Variants in CELA3B observed in about 807,000 individuals in gnomAD.
CELA3B encodes the protein chymotrypsin-like elastase family member 3B.
Under a neutral mutation model 37.2 loss-of-function variants are expected in CELA3B, and 34 were observed. The ratio of observed to expected loss-of-function variants is 0.91; its 90% confidence interval spans 0.70 to 1.22. The LOEUF is 1.22. CELA3B is among the 50% of genes most tolerant of loss of function. The pLI is 0.00. For synonymous variants in CELA3B, 127 were observed against 143.5 expected (o/e 0.89, Z 0.82); for missense variants, 340 against 363.1 (o/e 0.94, Z 0.52).
rs1177763989 is a variant in CELA3B, at chr1:21,978,793, A to T, written c.129+339A>T. The stretch of plus-strand genomic sequence containing the variant: ...ATTCCTAGGATGATACAACAGGGCT[A>T]TGGGGTCTGAAAGCAATAAGGGAGT... On this transcript the variant is annotated intron_variant, in intron 2 of 7. Transcript: ENST00000337107. Among the ~76,000 whole-genome samples, 43 of 152,178 alleles carry T rather than the reference A, an allele frequency of 2.8e-4. No individual in the cohort carries two copies. The East Asian group carries it at 6.2e-3, about 22-fold the overall frequency.
At position 21,983,798 on chromosome 1, in the gene CELA3B, C is replaced by A. The variant is rs1486757785; in HGVS notation, c.467C>A (p.Pro156His). Residue 156 changes from proline (P) to histidine (H), a missense_variant, in exon 5 of 8, where the codon CCC (proline) becomes CAC (histidine). Pro to His is a moderately conservative substitution (Grantham distance 77). Coordinates refer to ENST00000337107, the MANE Select transcript of CELA3B (RefSeq NM_007352.4). ...GGTGACATCCTTCCCAACGAGACAC[C>A]CTGCTACATCACCGGCTGGGGCCGT... ...PAGDILPNET[P>H]CYITGWGRLY... The A allele has an allele frequency of 6.2e-7, 1 of 1,613,974 alleles. No homozygotes were observed. Among genetic ancestry groups the A allele is most frequent in the Admixed American group, 1.7e-5 (1 of 59,970 alleles).
At chr1:21,987,185 G>A (rs530748504) in intron 7 of CELA3B, among the ~76,000 whole-genome samples, 32 of 151,074 alleles carry the variant, frequency 2.1e-4, no homozygotes, top group Non-Finnish European at 3.5e-4. Flanking sequence ...TGGGCATGGA[G>A]TAGTCATGCC....
At chr1:21,977,362 T>C (rs1440772171) in intron 1 of CELA3B, among the ~76,000 whole-genome samples, 3 of 152,114 alleles carry the variant, frequency 2.0e-5, no homozygotes, top group Non-Finnish European at 4.4e-5. Flanking sequence ...GGCTGTGTGG[T>C]TGGACTTCTT....
chr1:21,988,934 TAC>T (rs1279162927), intron 7 of CELA3B, among the ~76,000 whole-genome samples: 10 of 151,686 alleles, frequency 6.6e-5, no homozygotes, highest in Non-Finnish European at 2.9e-5. Flanking sequence ...TTTATATACA[TAC>T]ATACATACAT....
At position 21,996,779 on chromosome 1, in the gene CELA3B, C is replaced by T. The variant is rs552507731; in HGVS notation, c.505-1372C>T. On this transcript the variant is annotated intron_variant, in intron 4 of 4. Transcript: ENST00000400277. Reference sequence around the variant, plus strand: ...CTCAATAACCTCCTTGGATCCCAGCCGGGATGATGCCTTCCCTGGGACAAG... The same window carrying T: ...CTCAATAACCTCCTTGGATCCCAGCTGGGATGATGCCTTCCCTGGGACAAG... Among the ~76,000 whole-genome samples, 86 of 150,892 alleles carry T rather than the reference C, an allele frequency of 5.7e-4. 4 individuals carry two copies. Among genetic ancestry groups the T allele is most frequent in the African/African-American group, 1.5e-3 (62 of 40,720 alleles).
At position 21,981,050 on chromosome 1, in the gene CELA3B, C is replaced by T; in HGVS notation, c.240C>T (p.Thr80=). Residue 80 remains threonine (T), a synonymous_variant, in exon 4 of 8, where the codon ACC becomes ACT. Transcript: ENST00000337107. ...TAGHCISSSR[T]YQVVLGEYDR... is the part of the protein sequence containing the mutation. ...CCTCCGCCCGCAGGAGCTCCCGGAC[C>T]TACCAGGTGGTGTTGGGCGAGTACG... The T allele has an allele frequency of 1.2e-6, 2 of 1,614,122 alleles. No homozygotes were observed. Among genetic ancestry groups the T allele is most frequent in the Non-Finnish European group, 1.7e-6 (2 of 1,180,026 alleles).
chr1:21,993,197 A>C (rs1644876050), downstream of CELA3B, among the ~76,000 whole-genome samples: 2 of 151,454 alleles, frequency 1.3e-5, no homozygotes, highest in Admixed American at 6.6e-5. Context: ...ACTGTGACTC[A>C]TGCCTGTAAT....
Position 21,981,046 on chromosome 1 carries a change from G to A in CELA3B, c.236G>A (p.Arg79Gln). Residue 79 changes from arginine (R) to glutamine (Q), a missense_variant, in exon 4 of 8, where the codon CGG becomes CAG. Transcript: ENST00000337107. ...VTAGHCISSS[R>Q]TYQVVLGEYD... ...CTCACCTCCGCCCGCAGGAGCTCCCGGACCTACCAGGTGGTGTTGGGCGAG... is the reference window on the plus strand; with the variant it reads ...CTCACCTCCGCCCGCAGGAGCTCCCAGACCTACCAGGTGGTGTTGGGCGAG... The A allele has an allele frequency of 2.5e-6, 4 of 1,614,064 alleles. No individual in the cohort carries two copies. The highest frequency in any genetic ancestry group is 1.7e-6 in the Non-Finnish European group (2 of 1,180,010).
At chr1:21,980,945 C>T (rs774423590) in intron 3 of CELA3B, 24 bp downstream of exon 3, 5 of 1,614,008 alleles carry the variant, frequency 3.1e-6, no homozygotes, top group Non-Finnish European at 4.2e-6. Flanking sequence ...CCTGTCCCTG[C>T]CTGTGGCCCC....
chr1:21,980,345 G>A lies in CELA3B; in HGVS notation c.130-479G>A, dbSNP rs181364686. Among the ~76,000 whole-genome samples, 6 of 152,034 alleles carry A rather than the reference G, an allele frequency of 3.9e-5. No homozygotes were observed. The East Asian group carries it at 9.7e-4, about 24-fold the overall frequency. On this transcript the variant is annotated intron_variant, in intron 2 of 7. Transcript: ENST00000337107. ...AAATACAAAATTAGCCAGGCACGAC[G>A]GCAGGTGCCTGTAATCCCAGTTACT...
downstream of CELA3B, among the ~76,000 whole-genome samples, chr1:21,993,547 T>C (rs1204151546): frequency 6.6e-6 from 1 of 151,368 alleles, no homozygotes; most frequent in Non-Finnish European, 1.5e-5. Flanking sequence ...CTGAATTTCT[T>C]TAAAAAAAAT....
intron 7 of CELA3B, among the ~76,000 whole-genome samples, chr1:21,988,925 TTATA>T (rs1437341826): frequency 4.6e-5 from 6 of 131,096 alleles, no homozygotes; most frequent in African/African-American, 9.8e-5. Flanking sequence ...TATATTTTGT[TTATA>T]TACATACATA....
chr1:21,983,733 G>A lies in CELA3B; in HGVS notation c.402G>A (p.Gln134=), dbSNP rs1488072161. The A allele has an allele frequency of 1.9e-6, 3 of 1,614,110 alleles. 1 individual carries two copies. Among genetic ancestry groups the A allele is most frequent in the Non-Finnish European group, 2.5e-6 (3 of 1,180,028 alleles). The change falls in exon 5 of 8, where the codon CAG becomes CAA. Residue 134 remains glutamine, a synonymous_variant. Coordinates refer to ENST00000337107, the MANE Select transcript of CELA3B (RefSeq NM_007352.4). The stretch of plus-strand genomic sequence containing the variant: ...TCATCAAGCTCTCACGCAGCGCCCA[G>A]CTGGGAGACGCCGTCCAGCTCGCCT... ...IALIKLSRSA[Q]LGDAVQLASL...
chr1:21,982,794 C>T (rs1233097206), intron 4 of CELA3B, among the ~76,000 whole-genome samples: 1 of 151,832 alleles, frequency 6.6e-6, no homozygotes, highest in Non-Finnish European at 1.5e-5. Context: ...TCTCCTGCCT[C>T]GGCCTCCCGG....
intron 4 of CELA3B, among the ~76,000 whole-genome samples, chr1:21,997,703 A>T (rs1010657642): frequency 3.3e-5 from 5 of 151,364 alleles, no homozygotes; most frequent in African/African-American, 1.2e-4. Context: ...AAAAAAAAAA[A>T]AATTATGATC....
chr1:21,982,230 C>T (rs1289744052), intron 4 of CELA3B, among the ~76,000 whole-genome samples: 2 of 152,090 alleles, frequency 1.3e-5, no homozygotes, highest in Non-Finnish European at 2.9e-5. Context: ...GAGTGACACG[C>T]AGGCAGGTGA....
At chr1:21,982,863 T>A (rs1644813408) in intron 4 of CELA3B, among the ~76,000 whole-genome samples, 1 of 151,890 alleles carries the variant, frequency 6.6e-6, no homozygotes, top group Non-Finnish European at 1.5e-5. Context: ...GTATTTTTAG[T>A]AGAGATGGGG....
At chr1:21,979,733 C>T (rs150233718) in intron 2 of CELA3B, among the ~76,000 whole-genome samples, 169 of 151,328 alleles carry the variant, frequency 1.1e-3, no homozygotes, top group African/African-American at 3.9e-3. Context: ...GGATTATAGG[C>T]GTGAGCCACC....
chr1:21,986,140 A>T (rs1644837340), intron 6 of CELA3B, among the ~76,000 whole-genome samples: 1 of 151,004 alleles, frequency 6.6e-6, no homozygotes, highest in Non-Finnish European at 1.5e-5. Flanking sequence ...AGGCCCCGGC[A>T]GGTGGATCAC....
Sources: allele counts gnomAD v4.1 joint callset (sites outside exome capture counted in the v4.1 genomes callset), GRCh38; gene constraint gnomAD v4.1.1; transcripts MANE v1.5; gene names NCBI Gene and HGNC (gene_info 2026-07-23, HGNC 2026-07-21).